Variants in HSD17B12 observed in about 807,000 individuals in gnomAD.
The protein encoded by HSD17B12 is hydroxysteroid 17-beta dehydrogenase 12, also known as very-long-chain 3-oxoacyl-CoA reductase.
A neutral mutation model predicts 39.3 loss-of-function variants in HSD17B12; 32 were observed. The ratio of observed to expected loss-of-function variants is 0.81; its 90% CI spans 0.61 to 1.09. HSD17B12 has a LOEUF of 1.09. HSD17B12 is among the 50% of genes least tolerant of loss of function. HSD17B12 has a pLI of 0.00. For missense variants in HSD17B12, 342 were observed against 382.9 expected (o/e 0.89, Z 0.89); for synonymous variants, 150 against 146.7 (o/e 1.02, Z -0.16).
intron 3 of HSD17B12, among the ~76,000 whole-genome samples, chr11:43,775,682 T>C (rs1455013134): frequency 6.6e-6 from 1 of 152,008 alleles, no homozygotes; most frequent in Non-Finnish European, 1.5e-5. Context: ...TATGTATACA[T>C]GTGCCATGCT....
the HSD17B12 span, among the ~76,000 whole-genome samples, chr11:43,633,013 A>G: frequency 6.6e-6 from 1 of 152,256 alleles, no homozygotes; most frequent in Non-Finnish European, 1.5e-5. Context: ...GTTTTGAAAT[A>G]TAAATTTAAG....
chr11:43,624,401 T>C, the HSD17B12 span, among the ~76,000 whole-genome samples: 1 of 151,988 alleles, frequency 6.6e-6, no homozygotes, highest in Non-Finnish European at 1.5e-5. Context: ...TCTAAGTACC[T>C]TTCTTTTTCA....
chr11:43,838,211 C>T (rs1951389627), intron 7 of HSD17B12, 106 bp from the exon 8 acceptor site: 2 of 793,938 alleles, frequency 2.5e-6, no homozygotes, highest in African/African-American at 1.7e-5. Flanking sequence ...GGTAGAAAAA[C>T]AGCTACATTA....
At chr11:43,708,334 A>G (rs1325395452) in intron 1 of HSD17B12, among the ~76,000 whole-genome samples, 1 of 152,212 alleles carries the variant, frequency 6.6e-6, no homozygotes, top group Non-Finnish European at 1.5e-5. Context: ...TCTGAAAACT[A>G]TACATTTATT....
chr11:43,590,807 C>CTT, the HSD17B12 span, among the ~76,000 whole-genome samples: 6 of 125,424 alleles, frequency 4.8e-5, no homozygotes, highest in African/African-American at 1.2e-4. Flanking sequence ...CCCAGCTCGA[C>CTT]TTTTTTTTTT....
chr11:43,680,414 T>C (rs1472852190), upstream of HSD17B12: 1 of 213,986 alleles, frequency 4.7e-6, no homozygotes, highest in African/African-American at 2.4e-5. Flanking sequence ...ACTAGCGGCT[T>C]CTCTGATCCC....
At chr11:43,655,675 G>T in the HSD17B12 span, among the ~76,000 whole-genome samples, 1 of 152,244 alleles carries the variant, frequency 6.6e-6, no homozygotes, top group Admixed American at 6.5e-5. Flanking sequence ...ATGTGGTTTT[G>T]TCTTTGGTTC....
At position 43,825,449 on chromosome 11, in the gene HSD17B12, G is replaced by A. The variant is rs1193601973; in HGVS notation, c.502-5527G>A. 2.6e-5 allele frequency among the ~76,000 whole-genome samples: 4 copies of A among 152,120 alleles called. No homozygotes were observed. The East Asian group carries it at 7.7e-4, about 29-fold the overall frequency. ...AGTAGGGGGAGCCCTCTATTAATTT[G>A]AAAATCCATGAGAACAGTCTCCGTT... On this transcript the variant is annotated intron_variant, in intron 6 of 10. Transcript: ENST00000278353.
chr11:43,819,607 G>T (rs1951162142), intron 6 of HSD17B12, among the ~76,000 whole-genome samples: 1 of 152,126 alleles, frequency 6.6e-6, no homozygotes, highest in Non-Finnish European at 1.5e-5. Flanking sequence ...ATTATAAAAT[G>T]CTTCTCCCAC....
chr11:43,788,996 C>A (rs917719689), intron 3 of HSD17B12, among the ~76,000 whole-genome samples: 2 of 152,220 alleles, frequency 1.3e-5, no homozygotes, highest in African/African-American at 4.8e-5. Context: ...ACAACCTCCA[C>A]CAGCTGTCTT....
the HSD17B12 span, among the ~76,000 whole-genome samples, chr11:43,563,609 G>C: frequency 0.014 from 2,109 of 152,316 alleles, 47 homozygotes; most frequent in African/African-American, 0.045. Flanking sequence ...GAGCCCAGGA[G>C]TTCGAGACCA....
chr11:43,732,922 C>T (rs1334832257), intron 1 of HSD17B12, among the ~76,000 whole-genome samples: 1 of 152,160 alleles, frequency 6.6e-6, no homozygotes, highest in Admixed American at 6.5e-5. Flanking sequence ...CAGATGTGAG[C>T]CACAATGCCT....
intron 1 of HSD17B12, chr11:43,733,733 T>C (rs1488799560): frequency 5.1e-6 from 3 of 589,470 alleles, no homozygotes; most frequent in East Asian, 4.2e-5. Context: ...TGGAAGAAGG[T>C]GTGAGAGGGC....
At chr11:43,812,395 T>A (rs1951081581) in intron 4 of HSD17B12, among the ~76,000 whole-genome samples, 1 of 152,228 alleles carries the variant, frequency 6.6e-6, no homozygotes, top group African/African-American at 2.4e-5. Context: ...ATTTTTTGGC[T>A]TTTTAATAAC....
chr11:43,778,276 C>G (rs943602745), intron 3 of HSD17B12, among the ~76,000 whole-genome samples: 2 of 152,204 alleles, frequency 1.3e-5, no homozygotes, highest in Non-Finnish European at 2.9e-5. Context: ...TCTCCCAAGA[C>G]TAAACCAGGA....
chr11:43,778,022 T>C (rs575009156), intron 3 of HSD17B12, among the ~76,000 whole-genome samples: 2 of 152,134 alleles, frequency 1.3e-5, no homozygotes, highest in South Asian at 4.2e-4. Context: ...AAAAAAACCC[T>C]TCAAAAAATT....
chr11:43,735,933 T>TGTCAGAC (rs2134900370), intron 1 of HSD17B12, among the ~76,000 whole-genome samples: 1 of 152,230 alleles, frequency 6.6e-6, no homozygotes, highest in African/African-American at 2.4e-5. Flanking sequence ...GATAACCCAC[T>TGTCAGAC]CACTGTCACG....
chr11:43,730,194 C>G (rs1950255957), intron 1 of HSD17B12, among the ~76,000 whole-genome samples: 1 of 152,000 alleles, frequency 6.6e-6, no homozygotes, highest in Non-Finnish European at 1.5e-5. Flanking sequence ...AACCACTGGT[C>G]CAGGTTGATT....
At chr11:43,687,870 T>C (rs1355960987) in intron 1 of HSD17B12, among the ~76,000 whole-genome samples, 5 of 152,240 alleles carry the variant, frequency 3.3e-5, no homozygotes, top group Non-Finnish European at 7.3e-5. Context: ...TACACAGAGA[T>C]AGATCAGTCT....
Sources: allele counts gnomAD v4.1 joint callset (sites outside exome capture counted in the v4.1 genomes callset), GRCh38; gene constraint gnomAD v4.1.1; transcripts MANE v1.5; gene names NCBI Gene and HGNC (gene_info 2026-07-23, HGNC 2026-07-21).